CLIC5: variants seen among roughly 807,000 people sequenced by gnomAD.
CLIC5 encodes chloride intracellular channel protein 5.
Under a neutral mutation model 24.7 loss-of-function variants are expected in CLIC5, and 20 were observed. The ratio of observed to expected loss-of-function variants is 0.81; its 90% CI spans 0.57 to 1.18. The LOEUF (loss-of-function observed/expected upper bound fraction) is 1.18, where lower values mean the gene tolerates loss of function less well. Among genes scored for constraint, CLIC5 ranks in the 50% most tolerant of loss-of-function variants. The probability of loss-of-function intolerance (pLI) is 0.00; values close to 1 mark genes in which losing one functional copy is unlikely to be tolerated. For synonymous variants in CLIC5, 159 were observed against 135.6 expected (o/e 1.17, Z -1.20); for missense variants, 341 against 326.1 (o/e 1.05, Z -0.35).
At chr6:45,939,558 A>G (rs1363624129) in intron 4 of CLIC5, among the ~76,000 whole-genome samples, 8 of 152,072 alleles carry the variant, frequency 5.3e-5, no homozygotes, top group Non-Finnish European at 1.2e-4. Context: ...AGATGATCTC[A>G]TCGCCAAATC....
chr6:46,014,203 G>GTTTGTTTGTCC (rs1766909872), intron 1 of CLIC5: 2 of 152,224 alleles, frequency 1.3e-5, no homozygotes, highest in African/African-American at 4.8e-5. Flanking sequence ...CTTTGTGGTA[G>GTTTGTTTGTCC]GCTGGGACAA....
chr6:46,108,771 G>T, the CLIC5 span, among the ~76,000 whole-genome samples: 1 of 152,054 alleles, frequency 6.6e-6, no homozygotes, highest in African/African-American at 2.4e-5. Context: ...TGAAAGCTTT[G>T]AATTATCACT....
chr6:45,984,146 G>T (rs1765655668), intron 1 of CLIC5, among the ~76,000 whole-genome samples: 1 of 152,178 alleles, frequency 6.6e-6, no homozygotes, highest in South Asian at 2.1e-4. Context: ...TACAAAAATT[G>T]AATTGGTTTT....
At chr6:46,012,091 A>G (rs1252426775) in intron 1 of CLIC5, among the ~76,000 whole-genome samples, 1 of 152,220 alleles carries the variant, frequency 6.6e-6, no homozygotes, top group Non-Finnish European at 1.5e-5. Flanking sequence ...ATGACCACAC[A>G]TCCTTATTTG....
At chr6:45,916,409 C>T (rs1041662767) in intron 4 of CLIC5, among the ~76,000 whole-genome samples, 1 of 152,164 alleles carries the variant, frequency 6.6e-6, no homozygotes, top group South Asian at 2.1e-4. Flanking sequence ...CCCTGAAGCA[C>T]TTGTGATTTA....
chr6:46,010,769 G>C (rs1408060808), intron 1 of CLIC5, among the ~76,000 whole-genome samples: 1 of 152,236 alleles, frequency 6.6e-6, no homozygotes, highest in African/African-American at 2.4e-5. Context: ...GTTACCAGGA[G>C]AAGAAGCACT....
the CLIC5 span, among the ~76,000 whole-genome samples, chr6:46,108,032 C>CAAAA: frequency 8.3e-3 from 260 of 31,338 alleles, no homozygotes; most frequent in African/African-American, 0.012. Flanking sequence ...AAAACTCCAT[C>CAAAA]AAAAAAAAAA....
At chr6:45,945,582 C>T (rs1026011137) in intron 3 of CLIC5, among the ~76,000 whole-genome samples, 1 of 152,136 alleles carries the variant, frequency 6.6e-6, no homozygotes, top group Non-Finnish European at 1.5e-5. Context: ...AGAATTTGCT[C>T]AAGTGAGAAA....
At chr6:46,034,311 G>A (rs936115173) in intron 1 of CLIC5, among the ~76,000 whole-genome samples, 1 of 152,232 alleles carries the variant, frequency 6.6e-6, no homozygotes, top group African/African-American at 2.4e-5. Context: ...CCAAAGTGGA[G>A]ACAAGCTGCT....
chr6:46,043,282 G>A (rs901775460), intron 1 of CLIC5, among the ~76,000 whole-genome samples: 4 of 152,182 alleles, frequency 2.6e-5, no homozygotes, highest in East Asian at 1.9e-4. Context: ...GCCTTATAAA[G>A]CATGTATTGT....
the CLIC5 span, among the ~76,000 whole-genome samples, chr6:46,108,541 T>G: frequency 1.3e-5 from 2 of 151,924 alleles, no homozygotes; most frequent in African/African-American, 4.8e-5. Flanking sequence ...AGATTACAGG[T>G]GCCCACCACC....
intron 4 of CLIC5, among the ~76,000 whole-genome samples, chr6:45,922,880 C>A (rs920153581): frequency 6.9e-6 from 1 of 144,554 alleles, no homozygotes; most frequent in Non-Finnish European, 1.5e-5. Flanking sequence ...TGGGAGGAAG[C>A]TGCAGAGCTA....
intron 1 of CLIC5, among the ~76,000 whole-genome samples, chr6:45,972,381 C>T (rs1221937542): frequency 2.0e-5 from 3 of 152,192 alleles, no homozygotes; most frequent in African/African-American, 7.2e-5. Context: ...CTGCCATATC[C>T]TGTCTTCTTT....
At chr6:45,953,130 C>T (rs114647707) in intron 2 of CLIC5, among the ~76,000 whole-genome samples, 75 of 152,238 alleles carry the variant, frequency 4.9e-4, no homozygotes, top group African/African-American at 1.8e-3. Context: ...TTTAGCCCCT[C>T]TAATTTCTAG....
intron 1 of CLIC5, among the ~76,000 whole-genome samples, chr6:45,990,997 G>A (rs1765917089): frequency 6.6e-6 from 1 of 152,130 alleles, no homozygotes; most frequent in Non-Finnish European, 1.5e-5. Context: ...GAAGCATCTG[G>A]CTACTGTTAT....
chr6:45,937,304 T>C (rs572688248), intron 4 of CLIC5: 2 of 152,314 alleles, frequency 1.3e-5, no homozygotes, highest in South Asian at 4.1e-4. Flanking sequence ...ATAATCAAAT[T>C]TAACAGTTAC....
intron 1 of CLIC5, among the ~76,000 whole-genome samples, chr6:46,007,461 A>G (rs1158986846): frequency 6.6e-6 from 1 of 152,086 alleles, no homozygotes; most frequent in East Asian, 1.9e-4. Flanking sequence ...CATGCACCTA[A>G]TTTTGTATTC....
chr6:46,096,189 G>A, the CLIC5 span, among the ~76,000 whole-genome samples: 7 of 152,100 alleles, frequency 4.6e-5, no homozygotes, highest in African/African-American at 7.2e-5. Context: ...TCACTCACTC[G>A]CAATGGAACA....
chr6:46,011,253 G>A (rs1344892787), intron 1 of CLIC5, among the ~76,000 whole-genome samples: 1 of 152,222 alleles, frequency 6.6e-6, no homozygotes, highest in African/African-American at 2.4e-5. Context: ...TTGGATGCAA[G>A]CTTTCTATCA....
Sources: gnomAD v4.1 joint callset for allele counts (sites outside exome capture counted in the v4.1 genomes callset) on GRCh38, gnomAD v4.1.1 for gene constraint, MANE v1.5 for transcripts, NCBI Gene and HGNC (gene_info 2026-07-23, HGNC 2026-07-21) for gene names.